PKD1L1: variants seen among roughly 807,000 people sequenced by gnomAD.
The protein encoded by PKD1L1 is polycystin-1-like protein 1.
PKD1L1 carries 236 observed loss-of-function variants against 323.4 expected under a neutral mutation model. The observed-to-expected ratio is 0.73, with a 90% CI of 0.66 to 0.81. PKD1L1 has a LOEUF of 0.81. Among genes scored for constraint, PKD1L1 ranks in the 40% least tolerant of loss-of-function variants. The pLI is 0.00. For missense variants in PKD1L1, 3,320 were observed against 3,508.0 expected, an observed-to-expected ratio of 0.95 and a Z score of 1.35; for synonymous variants, 1,344 against 1,335.0, an observed-to-expected ratio of 1.01 and a Z score of -0.15.
intron 23 of PKD1L1, among the ~76,000 whole-genome samples, chr7:47,874,892 G>C (rs1457172117): frequency 6.6e-6 from 1 of 152,132 alleles, no homozygotes; most frequent in Non-Finnish European, 1.5e-5. Flanking sequence ...GTATTCATAG[G>C]AATTGGCTGT....
chr7:47,900,947 A>G (rs1161384776), intron 13 of PKD1L1, among the ~76,000 whole-genome samples: 1 of 152,166 alleles, frequency 6.6e-6, no homozygotes, highest in Non-Finnish European at 1.5e-5. Context: ...CCTTAGAAAA[A>G]TACTGAAAAT....
At chr7:47,794,504 C>T (rs1584946978) in intron 55 of PKD1L1, among the ~76,000 whole-genome samples, 1 of 152,290 alleles carries the variant, frequency 6.6e-6, no homozygotes. Flanking sequence ...GGAACCTCAG[C>T]CTAGATTTCA....
intron 24 of PKD1L1, among the ~76,000 whole-genome samples, chr7:47,870,972 C>CAAAAAAAA (rs200508432): frequency 1.5e-5 from 1 of 66,124 alleles, no homozygotes; most frequent in Non-Finnish European, 2.8e-5. Flanking sequence ...AACCTTGTCT[C>CAAAAAAAA]AAAAAAAAAA....
chr7:47,830,772 G>A (rs1785330985), intron 42 of PKD1L1, among the ~76,000 whole-genome samples: 1 of 152,200 alleles, frequency 6.6e-6, no homozygotes, highest in Admixed American at 6.5e-5. Flanking sequence ...GAGCCAGAGA[G>A]GTACCATGTG....
At chr7:47,827,594 A>G (rs1446607867) in intron 44 of PKD1L1, 126 bp from the exon 45 acceptor site, 2 of 737,568 alleles carry the variant, frequency 2.7e-6, no homozygotes, top group African/African-American at 3.5e-5. Context: ...ATTTGGGAAC[A>G]AAGAGGTACT....
At chr7:47,805,963 G>A (rs915743245) in intron 52 of PKD1L1, among the ~76,000 whole-genome samples, 1 of 152,190 alleles carries the variant, frequency 6.6e-6, no homozygotes, top group Non-Finnish European at 1.5e-5. Context: ...GAAGCTAATT[G>A]AGGAATTGGA....
chr7:47,913,605 C>G (rs184450557), intron 8 of PKD1L1, among the ~76,000 whole-genome samples: 5 of 152,260 alleles, frequency 3.3e-5, no homozygotes, highest in Admixed American at 6.5e-5. Context: ...ACCTCCCCCC[C>G]TCTTGCTCCT....
At chr7:47,777,005 C>T (rs1786583074) in intron 56 of PKD1L1, among the ~76,000 whole-genome samples, 1 of 152,176 alleles carries the variant, frequency 6.6e-6, no homozygotes, top group Admixed American at 6.5e-5. Context: ...AATTCTCCCG[C>T]CTCAGCTTCC....
At chr7:47,801,487 C>T (rs1784661115) in intron 53 of PKD1L1, among the ~76,000 whole-genome samples, 1 of 152,160 alleles carries the variant, frequency 6.6e-6, no homozygotes, top group African/African-American at 2.4e-5. Context: ...ATTTTTTCAG[C>T]CTGGATGTCA....
intron 12 of PKD1L1, among the ~76,000 whole-genome samples, chr7:47,902,734 G>C (rs1238808992): frequency 1.3e-5 from 2 of 152,156 alleles, no homozygotes; most frequent in Non-Finnish European, 2.9e-5. Flanking sequence ...GCCAGGCCAA[G>C]TACCAAACTC....
chr7:47,835,303 G>A, intron 37 of PKD1L1, 60 bp from the exon 38 acceptor site: 1 of 1,071,732 alleles, frequency 9.3e-7, no homozygotes, highest in East Asian at 2.5e-5. Flanking sequence ...TTAAAACGCA[G>A]TCATTGTGTA....
At chr7:47,787,478 C>T (rs944502324) in intron 56 of PKD1L1, among the ~76,000 whole-genome samples, 1 of 152,178 alleles carries the variant, frequency 6.6e-6, no homozygotes, top group Admixed American at 6.5e-5. Context: ...CAAGCCTCCA[C>T]CATCATTTGA....
chr7:47,937,058 C>T (rs1288680086), intron 3 of PKD1L1, 100 bp from the exon 4 acceptor site: 3 of 886,302 alleles, frequency 3.4e-6, no homozygotes, highest in South Asian at 1.6e-5. Flanking sequence ...AGCAGTGGAC[C>T]CCTGCTGTGC....
At chr7:47,902,595 C>A (rs1262892511) in intron 12 of PKD1L1, 84 bp from the exon 13 acceptor site, 1 of 1,467,770 alleles carries the variant, frequency 6.8e-7, no homozygotes, top group Non-Finnish European at 9.3e-7. Flanking sequence ...CCACTCATAT[C>A]TGCAGAATTA....
Position 47,855,165 on chromosome 7 carries a change from T to C in PKD1L1, c.4691A>G (p.Glu1564Gly), listed in dbSNP as rs1664984402. ...RKPVMVEFGE[E>G]DGLDNRRNKT... ...AAAGGCTCTCCTTACCAGGCCATCC[T>C]CCTCCCCAAACTCGACCATCACGGG... is the stretch of plus-strand genomic sequence containing the variant. The change falls in exon 29 of 57, where the codon GAG becomes GGG. Residue 1564 changes from glutamate to glycine, a missense_variant. Glu to Gly is a moderately conservative substitution (Grantham distance 98, BLOSUM62 -2). Transcript: ENST00000289672. 1 of 1,614,060 alleles carries C rather than the reference T, an allele frequency of 6.2e-7. No individual in the cohort carries two copies. Among genetic ancestry groups the C allele is most frequent in the Non-Finnish European group, 8.5e-7 (1 of 1,179,952 alleles).
chr7:47,895,873 A>G (rs753844854), intron 14 of PKD1L1, among the ~76,000 whole-genome samples: 17 of 152,162 alleles, frequency 1.1e-4, no homozygotes, highest in Non-Finnish European at 2.5e-4. Flanking sequence ...TAGAGTTGTA[A>G]TTGTTTTAAT....
chr7:47,910,995 T>G (rs1368810113), intron 8 of PKD1L1, among the ~76,000 whole-genome samples: 3 of 151,924 alleles, frequency 2.0e-5, no homozygotes, highest in African/African-American at 7.3e-5. Flanking sequence ...CAAGTTGACT[T>G]TAGACTTAAC....
At chr7:47,892,897 A>AT (rs1786852663) in intron 15 of PKD1L1, among the ~76,000 whole-genome samples, 1 of 151,670 alleles carries the variant, frequency 6.6e-6, no homozygotes, top group Non-Finnish European at 1.5e-5. Flanking sequence ...CCAAAAAAAA[A>AT]GAAAGGAAGA....
chr7:47,805,498 G>C (rs912858124), intron 52 of PKD1L1, among the ~76,000 whole-genome samples: 6 of 152,252 alleles, frequency 3.9e-5, no homozygotes, highest in Admixed American at 3.9e-4. Context: ...CGTAGTGTGG[G>C]CAGAGGCCAA....
Sources: gnomAD v4.1 joint callset for allele counts (sites outside exome capture counted in the v4.1 genomes callset) on GRCh38, gnomAD v4.1.1 for gene constraint, MANE v1.5 for transcripts, NCBI Gene and HGNC (gene_info 2026-07-23, HGNC 2026-07-21) for gene names.